Variants in TMCO6 observed in about 807,000 individuals in gnomAD.
The protein encoded by TMCO6 is transmembrane and coiled-coil domain-containing protein 6.
In TMCO6, 47 loss-of-function variants were observed where a neutral mutation model predicts 61.8. The ratio of observed to expected loss-of-function variants is 0.76; its 90% confidence interval spans 0.60 to 0.97. The LOEUF (loss-of-function observed/expected upper bound fraction) is 0.97, where lower values mean the gene tolerates loss of function less well. Among genes scored for constraint, TMCO6 ranks in the 50% least tolerant of loss-of-function variants. TMCO6 has a pLI of 0.00. For synonymous variants in TMCO6, 261 were observed against 254.2 expected (o/e 1.03, Z -0.25); for missense variants, 557 against 601.6 (o/e 0.93, Z 0.78).
the TMCO6 span, among the ~76,000 whole-genome samples, chr5:140,599,733 T>C: frequency 6.6e-6 from 1 of 152,070 alleles, no homozygotes; most frequent in African/African-American, 2.4e-5. Context: ...AAACCCCATC[T>C]CTACTAAAAA....
Position 140,639,504 on chromosome 5 carries a change from C to G in TMCO6, c.-24C>G. 6.5e-7 allele frequency: 1 copy of G among 1,548,428 alleles called. No homozygotes were observed. The highest frequency in any genetic ancestry group is 8.7e-7 in the Non-Finnish European group (1 of 1,145,746). On this transcript the variant is annotated 5_prime_UTR_variant, in exon 1 of 12. Transcript: ENST00000394671. Reference sequence around the variant, plus strand: ...GGAGCGTTGTGGCTGCTGTTTCCTTCGGCTTTCCTCCTCCTGCTCCACCAT... The same window carrying G: ...GGAGCGTTGTGGCTGCTGTTTCCTTGGGCTTTCCTCCTCCTGCTCCACCAT...
upstream of TMCO6, among the ~76,000 whole-genome samples, chr5:140,637,908 C>T (rs1165430737): frequency 5.9e-5 from 9 of 152,060 alleles, no homozygotes; most frequent in Non-Finnish European, 1.3e-4. Context: ...CAATGTCTTT[C>T]TCTCTTTCCC....
At chr5:140,614,368 C>A in the TMCO6 span, among the ~76,000 whole-genome samples, 2 of 151,902 alleles carry the variant, frequency 1.3e-5, no homozygotes, top group Non-Finnish European at 1.5e-5. Flanking sequence ...ATTAGCTGGG[C>A]GTGGTGGCAC....
At position 140,643,046 on chromosome 5, in the gene TMCO6, C is replaced by G. The variant is rs1053548579; in HGVS notation, c.806+5C>G. On this transcript the variant is annotated splice_donor_5th_base_variant and intron_variant, in intron 7 of 11. Transcript: ENST00000394671. ...CCTTCATTACATCATCTGCAGGTAA[C>G]AGGGCAATTGGGAAAGTACCACAGA... The G allele has an allele frequency of 2.5e-6, 4 of 1,614,178 alleles. No homozygotes were observed. The highest frequency in any genetic ancestry group is 3.4e-6 in the Non-Finnish European group (4 of 1,180,020).
At chr5:140,647,723 G>A, downstream of TMCO6, 1 of 1,321,446 alleles carries the variant, frequency 7.6e-7, no homozygotes, top group South Asian at 1.2e-5. Flanking sequence ...TAAAAGTATT[G>A]TAGGACCGCT....
the TMCO6 span, among the ~76,000 whole-genome samples, chr5:140,623,288 A>C: frequency 2.6e-5 from 4 of 152,196 alleles, no homozygotes; most frequent in Admixed American, 2.6e-4. Context: ...AGATAAACTC[A>C]AGTTGCAAAA....
chr5:140,624,363 C>A, the TMCO6 span, among the ~76,000 whole-genome samples: 1 of 140,470 alleles, frequency 7.1e-6, no homozygotes, highest in African/African-American at 2.8e-5. Flanking sequence ...GACTCCATCT[C>A]AAAATAAATG....
At chr5:140,601,865 A>G in the TMCO6 span, among the ~76,000 whole-genome samples, 1 of 152,312 alleles carries the variant, frequency 6.6e-6, no homozygotes, top group East Asian at 1.9e-4. Flanking sequence ...TGAGTTAATA[A>G]TAAGCTTTAG....
At chr5:140,630,073 T>G in the TMCO6 span, among the ~76,000 whole-genome samples, 1 of 151,492 alleles carries the variant, frequency 6.6e-6, no homozygotes, top group Non-Finnish European at 1.5e-5. Context: ...CACTGCAACC[T>G]CTGCCTCCCA....
downstream of TMCO6, chr5:140,647,652 C>T: frequency 6.4e-7 from 1 of 1,564,302 alleles, no homozygotes; most frequent in South Asian, 1.1e-5. Context: ...CAACCGCGGA[C>T]CCTAAAGCCT....
At chr5:140,621,012 CA>C in the TMCO6 span, among the ~76,000 whole-genome samples, 63 of 139,710 alleles carry the variant, frequency 4.5e-4, no homozygotes, top group South Asian at 9.2e-4. Context: ...GAACCCATCT[CA>C]AAAAAAAAAA....
chr5:140,621,207 G>A, the TMCO6 span, among the ~76,000 whole-genome samples: 4 of 152,076 alleles, frequency 2.6e-5, no homozygotes, highest in Non-Finnish European at 4.4e-5. Flanking sequence ...TTCCTTCAAA[G>A]ACCATTCCTT....
At position 140,639,555 on chromosome 5, in the gene TMCO6, A is replaced by G. The variant is rs1477681048; in HGVS notation, c.28A>G (p.Arg10Gly). Residue 10 changes from arginine (R) to glycine (G), a missense_variant, in exon 1 of 12, where the codon AGG becomes GGG. Physicochemically the swap from Arg to Gly is moderately radical, Grantham distance 125. Transcript: ENST00000394671. MWSRRQGRL[R>G]PTVCGVEELR... ...GTGGAGCCGACGGCAGGGCCGCCTC[A>G]GGCCCACGGTCTGCGGGGTGGAGGA... 6 of 1,549,218 alleles carry G rather than the reference A, an allele frequency of 3.9e-6. No homozygotes were observed. Among genetic ancestry groups the G allele is most frequent in the Non-Finnish European group, 5.2e-6 (6 of 1,146,324 alleles).
At chr5:140,646,042 G>A (rs1961972), downstream of TMCO6, among the ~76,000 whole-genome samples, 2,821 of 138,636 alleles carry the variant, frequency 0.02, 38 homozygotes, top group Middle Eastern at 0.044. Context: ...ACGGAGTCTC[G>A]CTCTGTCACC....
chr5:140,617,567 A>G, the TMCO6 span, among the ~76,000 whole-genome samples: 1 of 143,622 alleles, frequency 7.0e-6, no homozygotes, highest in Non-Finnish European at 1.5e-5. Flanking sequence ...CAAAATAAAT[A>G]CAAATACAAA....
upstream of TMCO6, among the ~76,000 whole-genome samples, chr5:140,638,035 C>T (rs376621289): frequency 6.6e-6 from 1 of 151,746 alleles, no homozygotes; most frequent in Non-Finnish European, 1.5e-5. Context: ...AGGAATAACG[C>T]TCAAAATCCT....
upstream of TMCO6, among the ~76,000 whole-genome samples, chr5:140,635,002 G>A (rs1271114751): frequency 2.0e-5 from 3 of 151,732 alleles, no homozygotes; most frequent in East Asian, 1.9e-4. Flanking sequence ...GGCTGGTCTC[G>A]AACTCCCGAC....
At chr5:140,632,530 C>T in the TMCO6 span, 1 of 1,614,204 alleles carries the variant, frequency 6.2e-7, no homozygotes. The surrounding 1 kb of genome is among the most constrained non-coding windows in gnomAD (Gnocchi z 6.2). Flanking sequence ...GCCCACGACA[C>T]GTTGCGTAGG....
the TMCO6 span, among the ~76,000 whole-genome samples, chr5:140,619,471 A>G: frequency 1.3e-5 from 2 of 152,224 alleles, no homozygotes; most frequent in Non-Finnish European, 2.9e-5. Context: ...CCAGTAAAAC[A>G]GTGGGCCTTA....
Sources: allele counts gnomAD v4.1 joint callset (sites outside exome capture counted in the v4.1 genomes callset), GRCh38; gene constraint gnomAD v4.1.1; non-coding constraint Gnocchi (gnomAD v3.1); transcripts MANE v1.5; gene names NCBI Gene and HGNC (gene_info 2026-07-23, HGNC 2026-07-21).